Variants in AHCYL2 observed in about 807,000 individuals in gnomAD.
The protein encoded by AHCYL2 is S-adenosylhomocysteine hydrolase-like protein 2.
In AHCYL2, 28 loss-of-function variants were observed where a neutral mutation model predicts 81.4. The ratio of observed to expected loss-of-function variants is 0.34; its 90% CI spans 0.25 to 0.47. AHCYL2 has a LOEUF of 0.47. AHCYL2 is among the 20% of genes least tolerant of loss of function. The probability of loss-of-function intolerance (pLI) is 1.00; values close to 1 mark genes in which losing one functional copy is unlikely to be tolerated. For missense variants in AHCYL2, 551 were observed against 785.1 expected, an observed-to-expected ratio of 0.70 and a Z score of 3.56; for synonymous variants, 272 against 290.2, an observed-to-expected ratio of 0.94 and a Z score of 0.64.
chr7:129,290,657 G>A (rs935017456), intron 1 of AHCYL2, among the ~76,000 whole-genome samples: 8 of 151,586 alleles, frequency 5.3e-5, no homozygotes, highest in African/African-American at 1.2e-4. Flanking sequence ...GTGGCCGGGC[G>A]TGGTGGCTCA....
chr7:129,290,557 T>G (rs1198901056), intron 1 of AHCYL2, among the ~76,000 whole-genome samples: 4 of 151,354 alleles, frequency 2.6e-5, no homozygotes, highest in Non-Finnish European at 4.4e-5. Context: ...CCAGTATTAC[T>G]TTCCTGTGTG....
Position 129,427,007 on chromosome 7 carries a change from C to A in AHCYL2, c.1830-32C>A. Reference sequence around the variant, plus strand: ...TCCCAGCATCCCCATTAGCTGATAACATCACAGTCTCATCTTTCTTTTTCC... The same window carrying A: ...TCCCAGCATCCCCATTAGCTGATAAAATCACAGTCTCATCTTTCTTTTTCC... On this transcript the variant is annotated intron_variant, in intron 16 of 16. Coordinates refer to ENST00000325006, the MANE Select transcript of AHCYL2 (RefSeq NM_015328.4). This position sits in a 1 kb window ranked among gnomAD's most constrained non-coding sequence, Gnocchi z 5.5. 3 of 1,608,230 alleles carry A rather than the reference C, an allele frequency of 1.9e-6. No homozygotes were observed. Among genetic ancestry groups the A allele is most frequent in the South Asian group, 1.1e-5 (1 of 90,862 alleles).
chr7:129,283,123 G>C (rs1017219266), intron 1 of AHCYL2, among the ~76,000 whole-genome samples: 4 of 152,126 alleles, frequency 2.6e-5, no homozygotes, highest in African/African-American at 9.7e-5. Context: ...AGCTCCAGGT[G>C]CTCCCAGCAT....
At chr7:129,374,167 TA>T in intron 1 of AHCYL2, among the ~76,000 whole-genome samples, 1 of 152,288 alleles carries the variant, frequency 6.6e-6, no homozygotes, top group East Asian at 1.9e-4. Context: ...TTGAGGCTAG[TA>T]CACCTAGGAC....
intron 11 of AHCYL2, among the ~76,000 whole-genome samples, chr7:129,411,383 C>A (rs1338631535): frequency 6.6e-6 from 1 of 152,152 alleles, no homozygotes. Context: ...ACCACCATTT[C>A]CCTATTCTGG....
At chr7:129,248,479 TTGTTG>T (rs1468103935) in intron 1 of AHCYL2, among the ~76,000 whole-genome samples, 5 of 150,556 alleles carry the variant, frequency 3.3e-5, no homozygotes, top group Non-Finnish European at 7.4e-5. Context: ...TTACTTTTTA[TTGTTG>T]TGTTGTTACT....
intron 1 of AHCYL2, among the ~76,000 whole-genome samples, chr7:129,258,491 A>G (rs1795505861): frequency 1.3e-5 from 2 of 151,554 alleles, no homozygotes; most frequent in African/African-American, 4.8e-5. Flanking sequence ...GAATGCCAAT[A>G]GTTGGAATAA....
chr7:129,422,950 A>T lies in AHCYL2; in HGVS notation c.1560+12A>T. 1 of 1,613,096 alleles carries T rather than the reference A, an allele frequency of 6.2e-7. No homozygotes were observed. The stretch of plus-strand genomic sequence containing the variant: ...TACTGCTGGCAGAGGTAAGGCTGAG[A>T]CTGGCAAAAATACTCCCCCACAACA... On this transcript the variant is annotated intron_variant, in intron 13 of 16. Transcript: ENST00000325006.
intron 1 of AHCYL2, among the ~76,000 whole-genome samples, chr7:129,249,764 A>G (rs552705478): frequency 5.9e-4 from 90 of 152,198 alleles, no homozygotes; most frequent in African/African-American, 2.0e-3. Context: ...CAGCCCTTGG[A>G]AACCTCTATT....
At chr7:129,278,888 T>C (rs928194300) in intron 1 of AHCYL2, among the ~76,000 whole-genome samples, 1 of 151,110 alleles carries the variant, frequency 6.6e-6, no homozygotes, top group Non-Finnish European at 1.5e-5. Context: ...GATGTGTGGG[T>C]GTATTTTTGG....
chr7:129,418,959 A>T (rs1796986415), intron 12 of AHCYL2, among the ~76,000 whole-genome samples: 1 of 152,208 alleles, frequency 6.6e-6, no homozygotes, highest in Non-Finnish European at 1.5e-5. Context: ...GAGGGAAATC[A>T]GTACCAGTCA....
intron 12 of AHCYL2, among the ~76,000 whole-genome samples, chr7:129,416,643 C>A (rs1017002869): frequency 7.3e-5 from 11 of 150,494 alleles, no homozygotes; most frequent in Admixed American, 6.0e-4. Flanking sequence ...ACTAAAAATC[C>A]AAAAAAAATA....
At chr7:129,279,244 G>GTTT (rs796201644) in intron 1 of AHCYL2, among the ~76,000 whole-genome samples, 1 of 143,190 alleles carries the variant, frequency 7.0e-6, no homozygotes. Flanking sequence ...GTGTTTGGTA[G>GTTT]TTTTTTTTTT....
At chr7:129,227,793 A>G (rs1794282890) in intron 1 of AHCYL2, among the ~76,000 whole-genome samples, 1 of 152,114 alleles carries the variant, frequency 6.6e-6, no homozygotes, top group African/African-American at 2.4e-5. Context: ...GCTATTGTAA[A>G]GCAGGGCTGA....
In AHCYL2 at chr7:129,369,428, G is replaced by T. The variant is rs188182126; in HGVS notation, c.364-10210G>T. ...TATTGATAATGAGATAGAATATATA[G>T]TAGGCCTAACAAAGGCCCCCTGAGG... On this transcript the variant is annotated intron_variant, in intron 1 of 16. Coordinates refer to ENST00000325006, the MANE Select transcript of AHCYL2 (RefSeq NM_015328.4). 7.1e-3 allele frequency among the ~76,000 whole-genome samples: 1,084 copies of T among 152,172 alleles called. 5 individuals are homozygous for T. The highest frequency in any genetic ancestry group is 0.017 in the Middle Eastern group (5 of 294).
At chr7:129,324,686 T>G (rs1055856767) in intron 1 of AHCYL2, among the ~76,000 whole-genome samples, 1 of 152,114 alleles carries the variant, frequency 6.6e-6, no homozygotes, top group Non-Finnish European at 1.5e-5. Context: ...CGGCTAATTT[T>G]TTGTGTTTTT....
chr7:129,376,010 T>G, intron 1 of AHCYL2: 2 of 1,495,588 alleles, frequency 1.3e-6, no homozygotes, highest in Non-Finnish European at 1.8e-6. Context: ...CTTTTTCCCC[T>G]CCTTTCCTGC....
chr7:129,255,936 C>G (rs559059762), intron 1 of AHCYL2, among the ~76,000 whole-genome samples: 65 of 151,918 alleles, frequency 4.3e-4, no homozygotes, highest in African/African-American at 1.5e-3. Context: ...TACACTCCAG[C>G]TTGGGTGACA....
intron 1 of AHCYL2, among the ~76,000 whole-genome samples, chr7:129,330,095 C>T (rs1421340547): frequency 1.3e-5 from 2 of 152,204 alleles, no homozygotes; most frequent in African/African-American, 4.8e-5. Context: ...AGCTCACCTC[C>T]TGGGCTCAAG....
Sources: allele counts gnomAD v4.1 joint callset (sites outside exome capture counted in the v4.1 genomes callset), GRCh38; gene constraint gnomAD v4.1.1; non-coding constraint Gnocchi (gnomAD v3.1); transcripts MANE v1.5; gene names NCBI Gene and HGNC (gene_info 2026-07-23, HGNC 2026-07-21).